Variants in NUP210 observed in about 807,000 individuals in gnomAD.
NUP210 encodes nucleoporin 210, also known as nuclear pore membrane glycoprotein 210.
Under a neutral mutation model 196.0 loss-of-function variants are expected in NUP210, and 151 were observed. The ratio of observed to expected loss-of-function variants is 0.77; its 90% confidence interval spans 0.67 to 0.88. NUP210 has a LOEUF of 0.88. Among genes scored for constraint, NUP210 ranks in the 40% least tolerant of loss-of-function variants. NUP210 has a pLI of 0.00. For synonymous variants in NUP210, 1,070 were observed against 1,052.7 expected (o/e 1.02, Z -0.32); for missense variants, 2,314 against 2,493.7 (o/e 0.93, Z 1.53).
intron 31 of NUP210, among the ~76,000 whole-genome samples, chr3:13,328,530 T>A (rs1028835905): frequency 1.3e-5 from 2 of 152,250 alleles, no homozygotes; most frequent in African/African-American, 2.4e-5. Context: ...AGCTGCCCCA[T>A]GCCCTGTTTC....
chr3:13,335,607 C>A lies in NUP210; in HGVS notation c.3690G>T (p.Ser1230=). The A allele has an allele frequency of 6.2e-7, 1 of 1,613,950 alleles. No homozygotes were observed. The part of the protein sequence containing the change: ...LDLRGRHHEA[S]IRLPSQYNFA... ...AGTTGTACTGTGACGGGAGTCGGAT[C>A]GACGCCTGGGAAGACATCAAACACG... The change falls in exon 28 of 40, where the codon TCG becomes TCT. Residue 1230 remains serine (S), a synonymous_variant. Transcript: ENST00000254508.
In NUP210 at chr3:13,346,793, C is replaced by T. The variant is rs1276173900; in HGVS notation, c.2836-3490G>A. On this transcript the variant is annotated intron_variant, in intron 20 of 39. Coordinates refer to ENST00000254508, the MANE Select transcript of NUP210 (RefSeq NM_024923.4). ...CCATTTCCTGCAGGCTGCTTGTCAA[C>T]GTCACGTGATGGGCCAGGAAGTGCC... Among the ~76,000 whole-genome samples, 6 of 152,316 alleles carry T rather than the reference C, an allele frequency of 3.9e-5. No homozygotes were observed. The East Asian group carries it at 5.8e-4, about 15-fold the overall frequency.
rs534032064 is a variant in NUP210 at position 13,397,482 on chromosome 3, C to T, written c.311G>A (p.Gly104Asp). 4 of 1,596,876 alleles carry T rather than the reference C, an allele frequency of 2.5e-6. No individual in the cohort carries two copies. The highest frequency in any genetic ancestry group is 1.1e-5 in the South Asian group (1 of 89,116). The change falls in exon 3 of 40, where the codon GGC (glycine) becomes GAC (aspartate). Residue 104 changes from glycine (G) to aspartate (D), a missense_variant. By Grantham distance (94) the Gly-to-Asp change is moderately conservative. Transcript: ENST00000254508. ...AATGGCATCACAGCGCAGGACCTGG[C>T]CTGTGGCTGGAGGAACCCCAGGAAG... ...SIIFAEDITT[G>D]QVLRCDAIVD...
chr3:13,419,260 G>A (rs1489403790), intron 1 of NUP210, among the ~76,000 whole-genome samples: 3 of 152,208 alleles, frequency 2.0e-5, no homozygotes, highest in Admixed American at 6.5e-5. Flanking sequence ...AGCTAAGGGC[G>A]CTCAGTCGTG....
intron 31 of NUP210, among the ~76,000 whole-genome samples, chr3:13,328,309 T>A (rs1275954329): frequency 6.6e-6 from 1 of 152,148 alleles, no homozygotes; most frequent in African/African-American, 2.4e-5. Context: ...GGAAACAGAT[T>A]TTTGGATGGT....
chr3:13,411,412 G>T (rs1559351387), intron 1 of NUP210, among the ~76,000 whole-genome samples: 1 of 152,212 alleles, frequency 6.6e-6, no homozygotes, highest in African/African-American at 2.4e-5. Flanking sequence ...TTGGACCCAG[G>T]CTCCTCATTT....
Position 13,328,953 on chromosome 3 carries a change from G to T in NUP210, c.4111-7C>A, listed in dbSNP as rs747967255. The T allele has an allele frequency of 3.1e-6, 5 of 1,613,144 alleles. No individual in the cohort carries two copies. The East Asian group carries it at 1.1e-4, about 36-fold the overall frequency. The stretch of plus-strand genomic sequence containing the variant: ...GGTAGGAAACAGGGGATACCTAAGG[G>T]ACAACATACAGGTATGATGAGGATT... On this transcript the variant is annotated splice_polypyrimidine_tract_variant and splice_region_variant and intron_variant, in intron 30 of 39. Transcript: ENST00000254508.
intron 20 of NUP210, among the ~76,000 whole-genome samples, chr3:13,349,785 T>A (rs1031260286): frequency 2.0e-5 from 3 of 152,192 alleles, no homozygotes; most frequent in Non-Finnish European, 2.9e-5. Context: ...CACTGCAAGT[T>A]GTGCTGAAAG....
intron 31 of NUP210, 45 bp downstream of exon 31, chr3:13,328,726 C>T (rs775021774): frequency 7.2e-5 from 112 of 1,557,366 alleles, no homozygotes; most frequent in Non-Finnish European, 9.6e-5. Flanking sequence ...CTACCAGGTA[C>T]CAGACAGGAC....
Position 13,373,717 on chromosome 3 carries a change from C to T in NUP210, c.1587+1G>A, listed in dbSNP as rs1420584975. On this transcript the variant is annotated splice_donor_variant, in intron 12 of 39. Transcript: ENST00000254508. LOFTEE classifies it high-confidence loss of function. ...GGGGTGTCTTGGCCCTGAGATCTCA[C>T]CTTCATCTCACCGAAATGGAGTGGG... is the stretch of plus-strand genomic sequence containing the variant. The T allele has an allele frequency of 1.2e-6, 2 of 1,613,942 alleles. No individual in the cohort carries two copies. Among genetic ancestry groups the T allele is most frequent in the African/African-American group, 1.3e-5 (1 of 74,914 alleles).
rs1697850087 is a variant in NUP210 at position 13,348,759 on chromosome 3, C to G, written c.2835+3120G>C. The G allele has an allele frequency of 1.0e-6, 1 of 985,414 alleles. No individual in the cohort carries two copies. Among genetic ancestry groups the G allele is most frequent in the African/African-American group, 1.7e-5 (1 of 57,348 alleles). The allele number at this position is 985,414 out of a possible 1,614,324, so 61.0% of individuals were successfully genotyped here. On this transcript the variant is annotated intron_variant, in intron 20 of 39. Transcript: ENST00000254508. This position sits in a 1 kb window ranked among gnomAD's most constrained non-coding sequence, Gnocchi z 4.0. The stretch of plus-strand genomic sequence containing the variant: ...TCCAAGGGTCTGCCTCTGAGAAGAA[C>G]AGGAACAGTGGGACTCCCTCCCCCT...
chr3:13,412,931 A>C (rs1247581869), intron 1 of NUP210, among the ~76,000 whole-genome samples: 2 of 151,918 alleles, frequency 1.3e-5, no homozygotes, highest in Non-Finnish European at 2.9e-5. Context: ...AGATCAGGCC[A>C]CTGCACTCCA....
Position 13,356,109 on chromosome 3 carries a change from C to T in NUP210, c.2329-2002G>A, listed in dbSNP as rs118174529. ...CCCCATTCAAGCCCCTAATCAGTCC[C>T]ATGCAACTGGTGCCCACCCACAGTG... On this transcript the variant is annotated intron_variant, in intron 16 of 39. Coordinates refer to ENST00000254508, the MANE Select transcript of NUP210 (RefSeq NM_024923.4). Among the ~76,000 whole-genome samples, 365 of 152,292 alleles carry T rather than the reference C, an allele frequency of 2.4e-3. 6 individuals are homozygous for T. The East Asian group carries it at 0.036, about 15-fold the overall frequency.
chr3:13,381,688 C>A (rs978688267), intron 6 of NUP210, among the ~76,000 whole-genome samples: 1 of 152,174 alleles, frequency 6.6e-6, no homozygotes, highest in Admixed American at 6.5e-5. Flanking sequence ...ATTGGGCCAA[C>A]AACAGAAAGG....
At position 13,375,474 on chromosome 3, in the gene NUP210, A is replaced by T. The variant is rs574332855; in HGVS notation, c.1431+30T>A. Reference sequence around the variant, plus strand: ...ACAATCCCATGAAAACACCAAAGGAATGCACGCAGAGGTGAGGGGTCTCAC... The same window carrying T: ...ACAATCCCATGAAAACACCAAAGGATTGCACGCAGAGGTGAGGGGTCTCAC... On this transcript the variant is annotated intron_variant, in intron 11 of 39. Transcript: ENST00000254508. The T allele has an allele frequency of 1.9e-6, 3 of 1,600,266 alleles. No homozygotes were observed. The South Asian group carries it at 3.3e-5, about 18-fold the overall frequency.
rs776941484 is a variant in NUP210, at chr3:13,378,896, G to A, written c.1045+16C>T. 6.3e-7 allele frequency: 1 copy of A among 1,586,200 alleles called. No homozygotes were observed. The highest frequency in any genetic ancestry group is 8.7e-7 in the Non-Finnish European group (1 of 1,154,502). On this transcript the variant is annotated intron_variant, in intron 8 of 39. Coordinates refer to ENST00000254508, the MANE Select transcript of NUP210 (RefSeq NM_024923.4). Reference sequence around the variant, plus strand: ...ACTGAGCAGCATCCATGAGGGCCCAGGAGGCCCACACTCACCTAGGTATCC... The same window carrying A: ...ACTGAGCAGCATCCATGAGGGCCCAAGAGGCCCACACTCACCTAGGTATCC...
chr3:13,364,172 TATGGTC>T (rs1226417688), intron 14 of NUP210, among the ~76,000 whole-genome samples: 3 of 152,210 alleles, frequency 2.0e-5, no homozygotes, highest in African/African-American at 7.2e-5. Context: ...TTGCTTTGTT[TATGGTC>T]ATCTCTACCT....
intron 6 of NUP210, among the ~76,000 whole-genome samples, chr3:13,382,821 T>C (rs763974902): frequency 6.6e-6 from 1 of 151,976 alleles, no homozygotes; most frequent in Non-Finnish European, 1.5e-5. Flanking sequence ...AAAACCAATA[T>C]AGTCATGTGA....
In NUP210 at chr3:13,372,016, G is replaced by A; in HGVS notation, c.1604C>T (p.Pro535Leu). The change falls in exon 13 of 40, where the codon CCC (proline) becomes CTC (leucine). Residue 535 changes from proline (P) to leucine (L), a missense_variant. By Grantham distance (98) the Pro-to-Leu change is moderately conservative. Coordinates refer to ENST00000254508, the MANE Select transcript of NUP210 (RefSeq NM_024923.4). The part of the protein sequence containing the change: ...FGEMKVYVIE[P>L]HSMEFAPCQV... ...GCACGGGGCAAACTCCATGCTGTGG[G>A]GCTCGATCACATACACCTGGAAGAC... The A allele has an allele frequency of 6.3e-7, 1 of 1,582,640 alleles. No homozygotes were observed. Among genetic ancestry groups the A allele is most frequent in the South Asian group, 1.1e-5 (1 of 87,058 alleles).
Sources: allele counts gnomAD v4.1 joint callset (sites outside exome capture counted in the v4.1 genomes callset), GRCh38; gene constraint gnomAD v4.1.1; non-coding constraint Gnocchi (gnomAD v3.1); transcripts MANE v1.5; gene names NCBI Gene and HGNC (gene_info 2026-07-23, HGNC 2026-07-21).